The following UNC79 variants were observed in gnomAD, a reference collection of about 807,000 sequenced individuals.
UNC79 encodes protein unc-79 homolog.
In UNC79, 37 loss-of-function variants were observed where a neutral mutation model predicts 283.1. That is an observed-to-expected ratio of 0.13 (90% CI 0.10 to 0.17). UNC79 has a LOEUF of 0.17. Ranked by LOEUF, UNC79 falls within the 10% of genes least tolerant of loss-of-function variation. The pLI, the probability that UNC79 is intolerant of heterozygous loss-of-function variation, is 1.00. For synonymous variants in UNC79, 1,107 were observed against 1,200.2 expected, an observed-to-expected ratio of 0.92 and a Z score of 1.61; for missense variants, 2,272 against 3,211.1, an observed-to-expected ratio of 0.71 and a Z score of 7.07.
chr14:93,688,548 T>C lies in UNC79; in HGVS notation c.6910-117T>C. On this transcript the variant is annotated intron_variant, in intron 43 of 48. Coordinates refer to ENST00000555664, the Ensembl canonical transcript of UNC79. The surrounding 1 kb of genome is among the most constrained non-coding windows in gnomAD (Gnocchi z 4.0). ...AAGGCTCTGAAGAAGTTTAAGCAGGTTGTTTGCTCAGAGTGGCGATAAGCG... is the reference window on the plus strand; with the variant it reads ...AAGGCTCTGAAGAAGTTTAAGCAGGCTGTTTGCTCAGAGTGGCGATAAGCG... 8.7e-7 allele frequency: 1 copy of C among 1,149,190 alleles called. No homozygotes were observed. Among genetic ancestry groups the C allele is most frequent in the Non-Finnish European group, 1.2e-6 (1 of 817,360 alleles). The allele number at this position is 1,149,190 out of a possible 1,614,324, so 71.2% of individuals were successfully genotyped here.
intron 1 of UNC79, among the ~76,000 whole-genome samples, chr14:93,345,684 C>G (rs2053810452): frequency 6.6e-6 from 1 of 151,954 alleles, no homozygotes; most frequent in Admixed American, 6.6e-5. Context: ...CAGAGGTGAC[C>G]CGCTAAGAAG....
chr14:93,388,603 T>G (rs58805968), intron 1 of UNC79, among the ~76,000 whole-genome samples: 1,693 of 152,304 alleles, frequency 0.011, 34 homozygotes, highest in African/African-American at 0.039. Flanking sequence ...CATGAGGGTG[T>G]CCATTACTCT....
At chr14:93,537,110 T>C (rs2061127361) in intron 11 of UNC79, among the ~76,000 whole-genome samples, 1 of 152,000 alleles carries the variant, frequency 6.6e-6, no homozygotes, top group Non-Finnish European at 1.5e-5. Flanking sequence ...CCCTTGGGGG[T>C]GTTCACATCT....
intron 14 of UNC79, among the ~76,000 whole-genome samples, chr14:93,559,938 G>A (rs2062442368): frequency 6.6e-6 from 1 of 152,044 alleles, no homozygotes; most frequent in African/African-American, 2.4e-5. Flanking sequence ...GAGATAATGG[G>A]CGATGTTTCT....
intron 47 of UNC79, among the ~76,000 whole-genome samples, chr14:93,699,054 A>T (rs2075351581): frequency 6.6e-6 from 1 of 151,984 alleles, no homozygotes; most frequent in Non-Finnish European, 1.5e-5. Flanking sequence ...TTTACTTTTA[A>T]CCTATCTATG....
At chr14:93,599,883 G>A (rs1428095858) in intron 24 of UNC79, among the ~76,000 whole-genome samples, 2 of 152,112 alleles carry the variant, frequency 1.3e-5, no homozygotes, top group African/African-American at 2.4e-5. Context: ...TTGAAAGTAC[G>A]CTTCTCTTAA....
chr14:93,664,970 T>C (rs1351479701), intron 40 of UNC79, among the ~76,000 whole-genome samples: 1 of 151,928 alleles, frequency 6.6e-6, no homozygotes, highest in Non-Finnish European at 1.5e-5. Flanking sequence ...TTGTGATAGA[T>C]TAGGAAAGTC....
At chr14:93,487,035 TA>T (rs1321261612) in intron 4 of UNC79, among the ~76,000 whole-genome samples, 1 of 152,032 alleles carries the variant, frequency 6.6e-6, no homozygotes, top group African/African-American at 2.4e-5. Flanking sequence ...TCTGGAAAAC[TA>T]AAAAAATGGT....
chr14:93,591,587 G>A (rs1347109222), intron 22 of UNC79, among the ~76,000 whole-genome samples: 1 of 152,222 alleles, frequency 6.6e-6, no homozygotes, highest in East Asian at 1.9e-4. Context: ...GTAAGTTTAT[G>A]CCATCTGTTT....
intron 14 of UNC79, among the ~76,000 whole-genome samples, chr14:93,550,985 C>T (rs1595838392): frequency 6.6e-6 from 1 of 152,064 alleles, no homozygotes; most frequent in African/African-American, 2.4e-5. Context: ...CAAGAATCCC[C>T]GAGCTGGTTC....
exon 5 of UNC79, chr14:93,487,673 A>C (rs1245248271): frequency 1.2e-6 from 2 of 1,613,676 alleles, no homozygotes; most frequent in African/African-American, 2.7e-5. Context: ...TGGGCTCCTC[A>C]AGGAGAGAAG....
At chr14:93,598,120 A>G (rs2065210624) in intron 24 of UNC79, among the ~76,000 whole-genome samples, 1 of 151,984 alleles carries the variant, frequency 6.6e-6, no homozygotes, top group Non-Finnish European at 1.5e-5. Context: ...CTGAATAGCT[A>G]GGACAACAGG....
intron 1 of UNC79, among the ~76,000 whole-genome samples, chr14:93,364,699 T>G (rs1334073727): frequency 1.3e-5 from 2 of 151,300 alleles, no homozygotes; most frequent in Admixed American, 1.3e-4. Flanking sequence ...ATAACTTTAT[T>G]GAGATATAAT....
At chr14:93,333,251 G>GGTCGCTGGGAGTCGGGCGTCGA (rs1458614144) in exon 1 of UNC79, 226 of 402,372 alleles carry the variant, frequency 5.6e-4, no homozygotes, top group African/African-American at 4.3e-3. Flanking sequence ...CCGGGCGTCG[G>GGTCGCTGGGAGTCGGGCGTCGA]GTCGCTGGGA....
intron 14 of UNC79, among the ~76,000 whole-genome samples, chr14:93,563,669 A>G (rs1464785478): frequency 1.3e-5 from 2 of 152,116 alleles, no homozygotes; most frequent in Non-Finnish European, 2.9e-5. Context: ...ACTGCCATCA[A>G]TAAACCAAAT....
At chr14:93,583,696 T>C (rs1045084739) in intron 20 of UNC79, among the ~76,000 whole-genome samples, 12 of 152,158 alleles carry the variant, frequency 7.9e-5, no homozygotes, top group South Asian at 4.1e-4. Flanking sequence ...ACATCCTCAA[T>C]TGGGGCAACC....
In UNC79 at chr14:93,504,630, TA is replaced by T. The variant is rs35934362; in HGVS notation, c.898+7349del. ...ATATTATTGTCAATTATATATGTTCTAAAAATTACATTGTCTAACTCTTTGT... is the reference window on the plus strand; with the variant it reads ...ATATTATTGTCAATTATATATGTTCTAAAATTACATTGTCTAACTCTTTGT... On this transcript the variant is annotated intron_variant, in intron 7 of 48. Transcript: ENST00000555664. Among the ~76,000 whole-genome samples the T allele has an allele frequency of 5.4e-4, 82 of 152,158 alleles. 2 individuals are homozygous for T. In the East Asian group the frequency reaches 0.015, roughly 29 times the overall value.
At chr14:93,556,312 G>A (rs1468600402) in intron 14 of UNC79, among the ~76,000 whole-genome samples, 2 of 152,034 alleles carry the variant, frequency 1.3e-5, no homozygotes, top group Non-Finnish European at 2.9e-5. Flanking sequence ...TGTGGTAATA[G>A]CCACTCACTG....
chr14:93,648,390 T>C (rs921491591), intron 35 of UNC79, among the ~76,000 whole-genome samples: 2 of 152,116 alleles, frequency 1.3e-5, no homozygotes, highest in South Asian at 4.1e-4. Flanking sequence ...TTGGAGACCA[T>C]GTTAGCGGTG....
Sources: allele counts gnomAD v4.1 joint callset (sites outside exome capture counted in the v4.1 genomes callset), GRCh38; gene constraint gnomAD v4.1.1; non-coding constraint Gnocchi (gnomAD v3.1); transcripts MANE v1.5; gene names NCBI Gene and HGNC (gene_info 2026-07-23, HGNC 2026-07-21).